RPS6KC1: variants seen among roughly 807,000 people sequenced by gnomAD.
RPS6KC1 encodes inactive ribosomal protein S6 kinase delta-1.
A neutral mutation model predicts 103.8 loss-of-function variants in RPS6KC1; 54 were observed. The observed-to-expected ratio is 0.52, with a 90% CI of 0.42 to 0.65. The LOEUF (loss-of-function observed/expected upper bound fraction) is 0.65. Among genes scored for constraint, RPS6KC1 ranks in the 30% least tolerant of loss-of-function variants. The probability of loss-of-function intolerance (pLI) is 0.00; values close to 1 mark genes in which losing one functional copy is unlikely to be tolerated. For synonymous variants in RPS6KC1, 439 were observed against 438.7 expected (o/e 1.00, Z -0.01); for missense variants, 1,151 against 1,253.8 (o/e 0.92, Z 1.24).
At chr1:213,578,491 CCAGCCCATGACAG>C in the RPS6KC1 span, among the ~76,000 whole-genome samples, 1 of 152,212 alleles carries the variant, frequency 6.6e-6, no homozygotes, top group Non-Finnish European at 1.5e-5. Context: ...ACACTCAACA[CCAGCCCATGACAG>C]CAGCCAGTAG....
At chr1:213,374,243 CAAAT>C in the RPS6KC1 span, among the ~76,000 whole-genome samples, 1 of 152,178 alleles carries the variant, frequency 6.6e-6, no homozygotes, top group African/African-American at 2.4e-5. Context: ...AAAGTTCAAT[CAAAT>C]AAATCTGGAT....
chr1:213,177,477 T>C (rs1199210060), intron 8 of RPS6KC1, among the ~76,000 whole-genome samples: 1 of 152,224 alleles, frequency 6.6e-6, no homozygotes, highest in Non-Finnish European at 1.5e-5. Flanking sequence ...TCTAGCAATT[T>C]AGACAGTAAA....
chr1:213,570,308 G>C, the RPS6KC1 span, among the ~76,000 whole-genome samples: 1 of 152,156 alleles, frequency 6.6e-6, no homozygotes, highest in Non-Finnish European at 1.5e-5. Flanking sequence ...GAAATGCCTG[G>C]CACACAGTAA....
At chr1:213,615,363 T>C in the RPS6KC1 span, among the ~76,000 whole-genome samples, 1 of 152,210 alleles carries the variant, frequency 6.6e-6, no homozygotes, top group Non-Finnish European at 1.5e-5. Flanking sequence ...CCAATGTCCT[T>C]GTTATGTGGA....
At chr1:213,678,175 G>A in the RPS6KC1 span, among the ~76,000 whole-genome samples, 1 of 152,168 alleles carries the variant, frequency 6.6e-6, no homozygotes, top group African/African-American at 2.4e-5. Context: ...TATTAATTGT[G>A]AAGACACAGA....
the RPS6KC1 span, among the ~76,000 whole-genome samples, chr1:213,622,486 C>T: frequency 2.0e-5 from 3 of 152,150 alleles, no homozygotes; most frequent in South Asian, 2.1e-4. Context: ...AAATTCCATT[C>T]GGTTGCACGT....
At chr1:213,250,638 A>C (rs2094529546) in intron 12 of RPS6KC1, among the ~76,000 whole-genome samples, 1 of 152,202 alleles carries the variant, frequency 6.6e-6, no homozygotes, top group South Asian at 2.1e-4. Context: ...TTCAAGTACA[A>C]GGTCCCTGTG....
At chr1:213,461,395 C>T in the RPS6KC1 span, among the ~76,000 whole-genome samples, 1 of 152,206 alleles carries the variant, frequency 6.6e-6, no homozygotes, top group Non-Finnish European at 1.5e-5. Context: ...CTCCATCAAG[C>T]TACCATTGGC....
the RPS6KC1 span, among the ~76,000 whole-genome samples, chr1:213,642,388 A>G: frequency 6.6e-5 from 10 of 152,148 alleles, no homozygotes; most frequent in Non-Finnish European, 1.3e-4. Flanking sequence ...TGTTTTAAAA[A>G]GTGATTTCTG....
the RPS6KC1 span, among the ~76,000 whole-genome samples, chr1:213,556,378 A>G: frequency 6.6e-6 from 1 of 152,244 alleles, no homozygotes; most frequent in Admixed American, 6.5e-5. Context: ...TAACAATAGT[A>G]CATTATTTAA....
the RPS6KC1 span, among the ~76,000 whole-genome samples, chr1:213,478,227 T>G: frequency 6.6e-6 from 1 of 152,204 alleles, no homozygotes; most frequent in African/African-American, 2.4e-5. Context: ...AATATTCCAT[T>G]GTCCGAATGT....
the RPS6KC1 span, among the ~76,000 whole-genome samples, chr1:213,653,633 T>G: frequency 6.6e-6 from 1 of 152,248 alleles, no homozygotes; most frequent in East Asian, 1.9e-4. Context: ...ATTTCATATT[T>G]GTTTGTGTAA....
chr1:213,266,052 G>A (rs544007433), intron 14 of RPS6KC1, among the ~76,000 whole-genome samples: 18 of 152,312 alleles, frequency 1.2e-4, no homozygotes, highest in African/African-American at 4.1e-4. Flanking sequence ...CTTAGAATAA[G>A]TACCTGGCAT....
chr1:213,530,065 A>G, the RPS6KC1 span, among the ~76,000 whole-genome samples: 89,355 of 148,966 alleles, frequency 0.6, 28,148 homozygotes, highest in East Asian at 0.71. Context: ...TATTATTATT[A>G]TTATACGATA....
At chr1:213,701,811 C>A in the RPS6KC1 span, among the ~76,000 whole-genome samples, 1 of 151,094 alleles carries the variant, frequency 6.6e-6, no homozygotes, top group East Asian at 1.9e-4. Context: ...CTTTTTTTTT[C>A]TTGGTAAGTC....
chr1:213,458,377 CT>C, the RPS6KC1 span, among the ~76,000 whole-genome samples: 6 of 150,724 alleles, frequency 4.0e-5, no homozygotes, highest in African/African-American at 1.5e-4. Context: ...AAACGTAACA[CT>C]TTTTTTTTAA....
the RPS6KC1 span, among the ~76,000 whole-genome samples, chr1:213,475,707 A>C: frequency 6.6e-6 from 1 of 152,208 alleles, no homozygotes; most frequent in Non-Finnish European, 1.5e-5. Flanking sequence ...TTCCAGGACT[A>C]GATGACTGCC....
At chr1:213,354,736 A>G in the RPS6KC1 span, among the ~76,000 whole-genome samples, 2 of 152,192 alleles carry the variant, frequency 1.3e-5, no homozygotes, top group African/African-American at 2.4e-5. Flanking sequence ...TCCCACTCCT[A>G]TGATAATCCA....
At chr1:213,572,434 C>T in the RPS6KC1 span, among the ~76,000 whole-genome samples, 1 of 152,192 alleles carries the variant, frequency 6.6e-6, no homozygotes, top group Non-Finnish European at 1.5e-5. Flanking sequence ...ATGCGGGAAG[C>T]ACATTCATCT....
Sources: gnomAD v4.1 joint callset for allele counts (sites outside exome capture counted in the v4.1 genomes callset) on GRCh38, gnomAD v4.1.1 for gene constraint, MANE v1.5 for transcripts, NCBI Gene and HGNC (gene_info 2026-07-23, HGNC 2026-07-21) for gene names.